The following XKR4 variants were observed in gnomAD, a reference collection of about 807,000 sequenced individuals.
The protein encoded by XKR4 is XK related 4, also known as XK-related protein 4.
XKR4 carries 12 observed loss-of-function variants against 53.9 expected under a neutral mutation model. That is an observed-to-expected ratio of 0.22 (90% CI 0.14 to 0.36). XKR4 has a LOEUF of 0.36. Ranked by LOEUF, XKR4 falls within the 10% of genes least tolerant of loss-of-function variation. XKR4 has a pLI of 1.00. For missense variants in XKR4, 799 were observed against 859.5 expected, an observed-to-expected ratio of 0.93 and a Z score of 0.88; for synonymous variants, 354 against 362.4, an observed-to-expected ratio of 0.98 and a Z score of 0.26.
chr8:55,165,969 G>T (rs1382330261), intron 1 of XKR4, among the ~76,000 whole-genome samples: 1 of 152,152 alleles, frequency 6.6e-6, no homozygotes, highest in Non-Finnish European at 1.5e-5. Flanking sequence ...TACCTTTGCT[G>T]TGTGTGTATC....
chr8:55,213,972 C>T lies in XKR4; in HGVS notation c.806+110678C>T, dbSNP rs1197656345. ...CGCCTCCCGGGCTCAAGCAATTCTCCTGTTTGAGTCTCCAGAGTAGTTGGG... is the reference window on the plus strand; with the variant it reads ...CGCCTCCCGGGCTCAAGCAATTCTCTTGTTTGAGTCTCCAGAGTAGTTGGG... On this transcript the variant is annotated intron_variant, in intron 1 of 2. Transcript: ENST00000327381. Among the ~76,000 whole-genome samples, 3 of 146,600 alleles carry T rather than the reference C, an allele frequency of 2.0e-5. No individual in the cohort carries two copies. In the Admixed American group the frequency reaches 2.1e-4, roughly 10 times the overall value.
At chr8:55,500,813 C>T (rs1310025959) in intron 2 of XKR4, among the ~76,000 whole-genome samples, 1 of 152,294 alleles carries the variant, frequency 6.6e-6, no homozygotes, top group African/African-American at 2.4e-5. Context: ...AATGAGAATG[C>T]TGAAGCTCTG....
chr8:55,162,038 T>A (rs1302884022), intron 1 of XKR4, among the ~76,000 whole-genome samples: 3 of 152,200 alleles, frequency 2.0e-5, no homozygotes, highest in Non-Finnish European at 4.4e-5. Flanking sequence ...CTATTGGTCA[T>A]CCTTGTCTAA....
At chr8:55,440,096 G>A (rs542102081) in intron 2 of XKR4, among the ~76,000 whole-genome samples, 28 of 152,246 alleles carry the variant, frequency 1.8e-4, no homozygotes, top group Non-Finnish European at 4.0e-4. Flanking sequence ...TTCAAAGTGT[G>A]GAGAAATTTT....
intron 2 of XKR4, among the ~76,000 whole-genome samples, chr8:55,437,363 C>T (rs1369397993): frequency 6.6e-6 from 1 of 151,984 alleles, no homozygotes; most frequent in Non-Finnish European, 1.5e-5. Flanking sequence ...GAGGTTTCTA[C>T]CCCAAATCAG....
chr8:55,431,511 A>G (rs1389791855), intron 2 of XKR4, among the ~76,000 whole-genome samples: 1 of 152,220 alleles, frequency 6.6e-6, no homozygotes, highest in Non-Finnish European at 1.5e-5. Context: ...CAGAAAGCAG[A>G]TTATCTTTAG....
intron 1 of XKR4, among the ~76,000 whole-genome samples, chr8:55,356,084 C>T (rs370214694): frequency 3.0e-4 from 45 of 152,192 alleles, no homozygotes; most frequent in African/African-American, 9.9e-4. Flanking sequence ...ATCTACCAGA[C>T]AGCAAGCTCC....
rs146416328 is a variant in XKR4, at chr8:55,274,700, T to C, written c.807-82978T>C. 2.3e-3 allele frequency among the ~76,000 whole-genome samples: 344 copies of C among 152,306 alleles called. 1 individual carries two copies. The highest frequency in any genetic ancestry group is 7.8e-3 in the African/African-American group (323 of 41,582). On this transcript the variant is annotated intron_variant, in intron 1 of 2. Coordinates refer to ENST00000327381, the MANE Select transcript of XKR4 (RefSeq NM_052898.2). ...TGCCTGCCTCGTCCTTTCAAAGTACTAGGATTACAGGCATGAGCCACCGTG... is the reference window on the plus strand; with the variant it reads ...TGCCTGCCTCGTCCTTTCAAAGTACCAGGATTACAGGCATGAGCCACCGTG...
At chr8:55,449,787 A>T in intron 2 of XKR4, 1 of 1,194,870 alleles carries the variant, frequency 8.4e-7, no homozygotes, top group Non-Finnish European at 1.2e-6. Flanking sequence ...CGGGCCTTCC[A>T]GGGCTTCATG....
chr8:55,128,540 C>G (rs1439091417), intron 1 of XKR4, among the ~76,000 whole-genome samples: 1 of 152,158 alleles, frequency 6.6e-6, no homozygotes, highest in Non-Finnish European at 1.5e-5. Flanking sequence ...TTGAGGCAAG[C>G]CTTCAAAGTC....
At chr8:55,381,521 T>C (rs1406808827) in intron 2 of XKR4, among the ~76,000 whole-genome samples, 1 of 152,172 alleles carries the variant, frequency 6.6e-6, no homozygotes, top group Non-Finnish European at 1.5e-5. Context: ...TGAAAGGCCA[T>C]GGAATCTGGA....
intron 2 of XKR4, among the ~76,000 whole-genome samples, chr8:55,458,921 T>G (rs1010097043): frequency 2.6e-5 from 4 of 152,204 alleles, no homozygotes; most frequent in Admixed American, 2.6e-4. Context: ...ACATTCTCAC[T>G]TTGGGTCACA....
intron 1 of XKR4, among the ~76,000 whole-genome samples, chr8:55,242,715 C>T (rs1160965506): frequency 6.6e-6 from 1 of 152,078 alleles, no homozygotes; most frequent in Non-Finnish European, 1.5e-5. Context: ...GAGTTAGCCC[C>T]TGGCTTTAGA....
chr8:55,268,286 T>C (rs1263700202), intron 1 of XKR4, among the ~76,000 whole-genome samples: 1 of 152,184 alleles, frequency 6.6e-6, no homozygotes, highest in African/African-American at 2.4e-5. Flanking sequence ...AGCATTTTAA[T>C]TGAGATCTAG....
At chr8:55,407,149 A>G (rs756648011) in intron 2 of XKR4, among the ~76,000 whole-genome samples, 10 of 152,142 alleles carry the variant, frequency 6.6e-5, no homozygotes, top group Non-Finnish European at 1.0e-4. Flanking sequence ...CAAATGAACA[A>G]TCTCAAAATC....
intron 2 of XKR4, among the ~76,000 whole-genome samples, chr8:55,492,252 A>T (rs909460726): frequency 6.6e-6 from 1 of 152,202 alleles, no homozygotes; most frequent in Non-Finnish European, 1.5e-5. Flanking sequence ...AAGGAAAAAA[A>T]TTCAGAACCG....
At chr8:55,451,601 C>T (rs540161523) in intron 2 of XKR4, 100 of 1,408,458 alleles carry the variant, frequency 7.1e-5, no homozygotes, top group Non-Finnish European at 9.2e-5. Flanking sequence ...CAGCAGACAA[C>T]GGTGAAGCGG....
intron 2 of XKR4, chr8:55,452,234 G>C: frequency 1.5e-6 from 1 of 655,052 alleles, no homozygotes. Flanking sequence ...ATGTGCAGGA[G>C]CGCAGCTGCA....
intron 2 of XKR4, among the ~76,000 whole-genome samples, chr8:55,392,275 C>T (rs947592917): frequency 6.6e-6 from 1 of 152,080 alleles, no homozygotes; most frequent in African/African-American, 2.4e-5. Context: ...ATGGTGGGTT[C>T]CCAGGCCAGG....
Sources: allele counts gnomAD v4.1 joint callset (sites outside exome capture counted in the v4.1 genomes callset), GRCh38; gene constraint gnomAD v4.1.1; transcripts MANE v1.5; gene names NCBI Gene and HGNC (gene_info 2026-07-23, HGNC 2026-07-21).